Variants in PRKAG2 observed in about 807,000 individuals in gnomAD.
PRKAG2 encodes the protein 5'-AMP-activated protein kinase subunit gamma-2.
PRKAG2 carries 26 observed loss-of-function variants against 69.6 expected under a neutral mutation model. That is an observed-to-expected ratio of 0.37 (90% CI 0.27 to 0.52). The LOEUF (loss-of-function observed/expected upper bound fraction) is 0.52, where lower values mean the gene tolerates loss of function less well. Ranked by LOEUF, PRKAG2 falls within the 20% of genes least tolerant of loss-of-function variation. The probability of loss-of-function intolerance (pLI) is 0.90; values close to 1 mark genes in which losing one functional copy is unlikely to be tolerated. For missense variants in PRKAG2, 557 were observed against 740.0 expected, an observed-to-expected ratio of 0.75 and a Z score of 2.87; for synonymous variants, 293 against 285.0, an observed-to-expected ratio of 1.03 and a Z score of -0.28.
chr7:151,655,545 G>C (rs1829289443), intron 4 of PRKAG2, among the ~76,000 whole-genome samples: 1 of 152,176 alleles, frequency 6.6e-6, no homozygotes, highest in South Asian at 2.1e-4. Context: ...ACCCTGGCTT[G>C]AGCAATTTAT....
Position 151,575,047 on chromosome 7 carries a change from T to C in PRKAG2, c.947-98A>G, listed in dbSNP as rs1584994618. The C allele has an allele frequency of 9.4e-6, 14 of 1,494,902 alleles. No individual in the cohort carries two copies. The East Asian group carries it at 2.8e-4, about 30-fold the overall frequency. 92.6% of individuals were successfully genotyped at this position (1,494,902 alleles called of 1,614,324 possible). On this transcript the variant is annotated intron_variant, in intron 7 of 15. Coordinates refer to ENST00000287878, the MANE Select transcript of PRKAG2 (RefSeq NM_016203.4). Reference sequence around the variant, plus strand: ...CTAGAATATATGCTAGAAGAGCTTATAAAATATACTTCGAAGATATCAAGC... The same window carrying C: ...CTAGAATATATGCTAGAAGAGCTTACAAAATATACTTCGAAGATATCAAGC...
chr7:151,673,838 C>CTTTTTTTTTTTTTTTTT (rs57744338), intron 4 of PRKAG2, among the ~76,000 whole-genome samples: 1 of 87,590 alleles, frequency 1.1e-5, no homozygotes. Context: ...AGCTTGTGTT[C>CTTTTTTTTTTTTTTTTT]TTTTTTTTTT....
intron 1 of PRKAG2, among the ~76,000 whole-genome samples, chr7:151,823,442 T>G (rs527479204): frequency 6.7e-6 from 1 of 149,946 alleles, no homozygotes; most frequent in East Asian, 2.0e-4. Flanking sequence ...TAGGGGCTGT[T>G]GAATTTGGCC....
At chr7:151,783,704 T>A (rs1169077633) in intron 2 of PRKAG2, among the ~76,000 whole-genome samples, 1 of 151,778 alleles carries the variant, frequency 6.6e-6, no homozygotes, top group Admixed American at 6.6e-5. Flanking sequence ...GTGGATCACC[T>A]GAGCTCGACC....
chr7:151,763,782 G>A (rs909909566), intron 3 of PRKAG2, among the ~76,000 whole-genome samples: 7 of 152,162 alleles, frequency 4.6e-5, no homozygotes, highest in African/African-American at 7.2e-5. Flanking sequence ...TCCAGATGCC[G>A]TGCCTGGTCT....
chr7:151,728,364 T>G (rs749788492), intron 3 of PRKAG2, among the ~76,000 whole-genome samples: 1 of 152,140 alleles, frequency 6.6e-6, no homozygotes, highest in Non-Finnish European at 1.5e-5. Flanking sequence ...CATCTGGAAA[T>G]TGGAACCCCG....
chr7:151,851,987 A>T (rs2079579313), intron 1 of PRKAG2, among the ~76,000 whole-genome samples: 1 of 152,102 alleles, frequency 6.6e-6, no homozygotes, highest in Non-Finnish European at 1.5e-5. Flanking sequence ...GCAAGACTGA[A>T]AACGGGTGGC....
At chr7:151,826,925 G>A (rs1023140255) in intron 1 of PRKAG2, among the ~76,000 whole-genome samples, 1 of 152,184 alleles carries the variant, frequency 6.6e-6, no homozygotes, top group Admixed American at 6.5e-5. Context: ...AGAGACTGTG[G>A]TCAGGAAAGG....
chr7:151,828,928 C>A lies in PRKAG2; in HGVS notation c.115-42387G>T, dbSNP rs2078964546. 1.3e-5 allele frequency among the ~76,000 whole-genome samples: 2 copies of A among 152,044 alleles called. No individual in the cohort carries two copies. The highest frequency in any genetic ancestry group is 2.9e-5 in the Non-Finnish European group (2 of 68,012). The stretch of plus-strand genomic sequence containing the variant: ...CCTGTCTCTAAAAAGCAAAACAGAA[C>A]AATAAAAAATAACTGCTTATACTTG... On this transcript the variant is annotated intron_variant, in intron 1 of 15. Coordinates refer to ENST00000287878, the MANE Select transcript of PRKAG2 (RefSeq NM_016203.4). This position sits in a 1 kb window ranked among gnomAD's most constrained non-coding sequence, Gnocchi z 4.6.
intron 4 of PRKAG2, among the ~76,000 whole-genome samples, chr7:151,637,603 A>G (rs879522292): frequency 3.9e-5 from 6 of 152,088 alleles, no homozygotes; most frequent in Non-Finnish European, 8.8e-5. Context: ...GTAATATGCT[A>G]GTGGGATTGA....
intron 5 of PRKAG2, among the ~76,000 whole-genome samples, chr7:151,629,099 T>C (rs1486066183): frequency 6.6e-6 from 1 of 152,214 alleles, no homozygotes; most frequent in African/African-American, 2.4e-5. Context: ...GAAGTTTTAC[T>C]GGAGCCGAGC....
intron 10 of PRKAG2, among the ~76,000 whole-genome samples, chr7:151,569,871 G>C (rs1807134275): frequency 6.6e-6 from 1 of 152,198 alleles, no homozygotes; most frequent in African/African-American, 2.4e-5. Context: ...TCCTGATTTA[G>C]CAGGTCAGGG....
intron 3 of PRKAG2, among the ~76,000 whole-genome samples, chr7:151,688,047 C>CCCCCG (rs1554539878): frequency 1.4e-5 from 2 of 143,202 alleles, no homozygotes; most frequent in Non-Finnish European, 3.1e-5. Context: ...ATGAGGCCCC[C>CCCCCG]CCCCGGGCTC....
chr7:151,726,776 C>A (rs1039488948), intron 3 of PRKAG2, among the ~76,000 whole-genome samples: 6 of 152,226 alleles, frequency 3.9e-5, no homozygotes, highest in African/African-American at 1.4e-4. Flanking sequence ...GTATGGGGAG[C>A]TTCTGGGGTG....
At chr7:151,739,690 C>T (rs1020594003) in intron 3 of PRKAG2, among the ~76,000 whole-genome samples, 22 of 152,082 alleles carry the variant, frequency 1.4e-4, no homozygotes, top group African/African-American at 5.3e-4. Flanking sequence ...AGGCTGGTCT[C>T]GAACTCCTGG....
chr7:151,616,013 C>T (rs1043542399), intron 5 of PRKAG2, among the ~76,000 whole-genome samples: 1 of 152,232 alleles, frequency 6.6e-6, no homozygotes, highest in Non-Finnish European at 1.5e-5. Context: ...CTCACCCACA[C>T]CAGCTCCTGT....
chr7:151,723,421 C>T (rs62478183), intron 3 of PRKAG2, among the ~76,000 whole-genome samples: 37,022 of 152,130 alleles, frequency 0.24, 4,979 homozygotes, highest in East Asian at 0.4. Context: ...TTATACAGAT[C>T]GAGTTAGAAT....
intron 5 of PRKAG2, among the ~76,000 whole-genome samples, chr7:151,616,057 G>A (rs1454031999): frequency 6.6e-6 from 1 of 152,208 alleles, no homozygotes; most frequent in Non-Finnish European, 1.5e-5. Flanking sequence ...AATTACTGAC[G>A]TCCTCCTTGG....
intron 10 of PRKAG2, among the ~76,000 whole-genome samples, chr7:151,569,706 G>A (rs907157327): frequency 6.6e-6 from 1 of 152,232 alleles, no homozygotes; most frequent in African/African-American, 2.4e-5. Flanking sequence ...CAAACCAGAA[G>A]GCTTGGATAA....
Sources: allele counts gnomAD v4.1 joint callset (sites outside exome capture counted in the v4.1 genomes callset), GRCh38; gene constraint gnomAD v4.1.1; non-coding constraint Gnocchi (gnomAD v3.1); transcripts MANE v1.5; gene names NCBI Gene and HGNC (gene_info 2026-07-23, HGNC 2026-07-21).